The following AFG1L variants were observed in gnomAD, a reference collection of about 807,000 sequenced individuals.
AFG1L encodes the protein AFG1 like ATPase, also known as AFG1-like ATPase.
Under a neutral mutation model 62.2 loss-of-function variants are expected in AFG1L, and 53 were observed. The observed-to-expected ratio is 0.85, with a 90% CI of 0.68 to 1.07. AFG1L has a LOEUF of 1.07. Ranked by LOEUF, AFG1L falls within the 50% of genes least tolerant of loss-of-function variation. The probability of loss-of-function intolerance (pLI) is 0.00; values close to 1 mark genes in which losing one functional copy is unlikely to be tolerated. For missense variants in AFG1L, 555 were observed against 590.5 expected (o/e 0.94, Z 0.62); for synonymous variants, 228 against 210.3 (o/e 1.08, Z -0.73).
At chr6:108,400,702 ATT>A (rs1562134779) in intron 6 of AFG1L, among the ~76,000 whole-genome samples, 5 of 122,882 alleles carry the variant, frequency 4.1e-5, no homozygotes, top group South Asian at 4.4e-4. Context: ...TATATATATT[ATT>A]ATATATATTT....
intron 6 of AFG1L, among the ~76,000 whole-genome samples, chr6:108,399,319 C>T (rs1480385060): frequency 2.0e-5 from 3 of 150,142 alleles, no homozygotes; most frequent in Non-Finnish European, 3.0e-5. Flanking sequence ...TCCTGAGTAG[C>T]TGGGACAACA....
At chr6:108,424,853 T>C (rs1310571591) in intron 7 of AFG1L, among the ~76,000 whole-genome samples, 1 of 152,054 alleles carries the variant, frequency 6.6e-6, no homozygotes, top group Non-Finnish European at 1.5e-5. Flanking sequence ...GTTTCAGAGG[T>C]TGATGAAACT....
At chr6:108,514,328 G>A (rs1774791580) in intron 11 of AFG1L, among the ~76,000 whole-genome samples, 1 of 152,342 alleles carries the variant, frequency 6.6e-6, no homozygotes, top group African/African-American at 2.4e-5. Flanking sequence ...CCAGAAGAGA[G>A]TGGGGGCCAA....
At chr6:108,419,423 G>A (rs552313095) in intron 7 of AFG1L, among the ~76,000 whole-genome samples, 31 of 152,124 alleles carry the variant, frequency 2.0e-4, no homozygotes, top group Admixed American at 1.0e-3. Context: ...AACCAACAAG[G>A]CATTCTACAA....
intron 1 of AFG1L, among the ~76,000 whole-genome samples, chr6:108,305,788 T>C (rs1452161425): frequency 6.6e-6 from 1 of 152,226 alleles, no homozygotes; most frequent in Non-Finnish European, 1.5e-5. Flanking sequence ...ATTTGATTTA[T>C]ACTGTGCAGG....
At chr6:108,298,078 G>A (rs979958753) in intron 1 of AFG1L, among the ~76,000 whole-genome samples, 1 of 151,898 alleles carries the variant, frequency 6.6e-6, no homozygotes, top group Non-Finnish European at 1.5e-5. Flanking sequence ...AACAAGGATG[G>A]TCACCCAACT....
At chr6:108,313,470 T>A (rs1228765444) in intron 1 of AFG1L, among the ~76,000 whole-genome samples, 2 of 152,244 alleles carry the variant, frequency 1.3e-5, no homozygotes, top group Non-Finnish European at 2.9e-5. Flanking sequence ...AGTAACTACA[T>A]GATCTTGGTC....
At chr6:108,512,601 G>A (rs893628628) in intron 11 of AFG1L, among the ~76,000 whole-genome samples, 2 of 152,110 alleles carry the variant, frequency 1.3e-5, no homozygotes, top group Admixed American at 6.5e-5. Context: ...CATAGTGGAG[G>A]ATGGAGAGAC....
chr6:108,411,307 C>G (rs1281085972), intron 7 of AFG1L, among the ~76,000 whole-genome samples: 3 of 152,228 alleles, frequency 2.0e-5, no homozygotes, highest in Admixed American at 1.3e-4. Context: ...GGAGGCCTAC[C>G]TGCCTCTGTA....
chr6:108,475,554 A>T (rs1192958840), intron 8 of AFG1L, among the ~76,000 whole-genome samples: 1 of 152,148 alleles, frequency 6.6e-6, no homozygotes, highest in Non-Finnish European at 1.5e-5. Context: ...TTCTGTCTCT[A>T]AAATTACTTT....
intron 6 of AFG1L, among the ~76,000 whole-genome samples, chr6:108,401,492 C>T (rs376591709): frequency 2.6e-5 from 4 of 152,002 alleles, no homozygotes; most frequent in African/African-American, 4.8e-5. Context: ...GGGGTTTCAC[C>T]GTGTTGGCCA....
At position 108,315,842 on chromosome 6, in the gene AFG1L, GT is replaced by G. The variant is rs1052850443; in HGVS notation, c.140-7980del. Among the ~76,000 whole-genome samples, 53 of 152,282 alleles carry G rather than the reference GT, an allele frequency of 3.5e-4. 1 individual carries two copies. The highest frequency in any genetic ancestry group is 2.7e-3 in the Admixed American group (42 of 15,288). On this transcript the variant is annotated intron_variant, in intron 1 of 12. Coordinates refer to ENST00000368977, the MANE Select transcript of AFG1L (RefSeq NM_145315.5). ...GCTGAAGGATCGTTTGAGCCCAGGA[GT>G]TTAAGACCAGCCTGGGCAACACAGG...
In AFG1L at chr6:108,477,278, G is replaced by A. The variant is rs1237538676; in HGVS notation, c.1048G>A (p.Glu350Lys). ...CGTVADCTFEELCERPLGASD... is the reference protein window; with the variant it reads ...CGTVADCTFEKLCERPLGASD... ...AACCGTTGCCGACTGCACATTTGAAGAGCTGTGTGAGAGAGTAAGTATCCA... is the reference window on the plus strand; with the variant it reads ...AACCGTTGCCGACTGCACATTTGAAAAGCTGTGTGAGAGAGTAAGTATCCA... Residue 350 changes from glutamate to lysine, a missense_variant, in exon 10 of 13, where the codon GAG becomes AAG. By Grantham distance (56) the Glu-to-Lys change is moderately conservative. Transcript: ENST00000368977. 6 of 1,605,932 alleles carry A rather than the reference G, an allele frequency of 3.7e-6. No homozygotes were observed. The highest frequency in any genetic ancestry group is 3.3e-5 in the South Asian group (3 of 90,516).
chr6:108,413,403 T>C (rs974998974), intron 7 of AFG1L, among the ~76,000 whole-genome samples: 3 of 152,172 alleles, frequency 2.0e-5, no homozygotes, highest in Non-Finnish European at 4.4e-5. Flanking sequence ...AACTCAGCTC[T>C]GCACCAAGCA....
Position 108,401,133 on chromosome 6 carries a change from A to ATT in AFG1L, c.749-844_749-843dup, listed in dbSNP as rs1198525387. ...CAGTTCCCAACACCATGCCTGGCTAATTTTTTTTTTTTTTTTTTTTGAGAC... is the reference window on the plus strand; with the variant it reads ...CAGTTCCCAACACCATGCCTGGCTAATTTTTTTTTTTTTTTTTTTTTTGAGAC... On this transcript the variant is annotated intron_variant, in intron 6 of 12. Coordinates refer to ENST00000368977, the MANE Select transcript of AFG1L (RefSeq NM_145315.5). Among the ~76,000 whole-genome samples, 612 of 119,606 alleles carry ATT rather than the reference A, an allele frequency of 5.1e-3. 3 individuals are homozygous for ATT. The highest frequency in any genetic ancestry group is 0.025 in the Middle Eastern group (6 of 236). The allele number at this position is 119,606 out of a possible 152,430, so 78.5% of individuals were successfully genotyped here. A position where few individuals can be genotyped will look rare whatever the true frequency, so the allele number is the denominator to read the frequency against.
At position 108,408,140 on chromosome 6, in the gene AFG1L, T is replaced by C. The variant is rs79063388; in HGVS notation, c.807+6086T>C. ...CTTTTTGAGGCTTTTTTTTTTTTTT[T>C]CCCTGTGCAGGCGTCTCACTCTGTT... is the stretch of plus-strand genomic sequence containing the variant. On this transcript the variant is annotated intron_variant, in intron 7 of 12. Coordinates refer to ENST00000368977, the MANE Select transcript of AFG1L (RefSeq NM_145315.5). 1.9e-3 allele frequency among the ~76,000 whole-genome samples: 294 copies of C among 151,718 alleles called. 1 individual carries two copies. The highest frequency in any genetic ancestry group is 4.9e-3 in the African/African-American group (202 of 41,426).
At chr6:108,395,649 G>T (rs1268598899) in intron 6 of AFG1L, among the ~76,000 whole-genome samples, 5 of 151,740 alleles carry the variant, frequency 3.3e-5, no homozygotes, top group African/African-American at 1.2e-4. Flanking sequence ...CAATCCACCC[G>T]CCTTGGCCTC....
chr6:108,329,238 C>A (rs948701610), intron 2 of AFG1L, among the ~76,000 whole-genome samples: 4 of 151,924 alleles, frequency 2.6e-5, no homozygotes, highest in African/African-American at 9.7e-5. Context: ...CCGCTCTTGG[C>A]CCTTATAGTT....
chr6:108,450,070 A>C (rs576501474), intron 8 of AFG1L, among the ~76,000 whole-genome samples: 1 of 152,190 alleles, frequency 6.6e-6, no homozygotes, highest in East Asian at 1.9e-4. Context: ...ATACGTGTGC[A>C]TGTGTCTTTA....
Sources: gnomAD v4.1 joint callset for allele counts (sites outside exome capture counted in the v4.1 genomes callset) on GRCh38, gnomAD v4.1.1 for gene constraint, MANE v1.5 for transcripts, NCBI Gene and HGNC (gene_info 2026-07-23, HGNC 2026-07-21) for gene names.